The following AQP11 variants were observed in gnomAD, a reference collection of about 807,000 sequenced individuals.
AQP11 encodes aquaporin 11.
In AQP11, 20 loss-of-function variants were observed where a neutral mutation model predicts 21.1. The ratio of observed to expected loss-of-function variants is 0.95; its 90% CI spans 0.67 to 1.38. The LOEUF (loss-of-function observed/expected upper bound fraction) is 1.38, where lower values mean the gene tolerates loss of function less well. AQP11 is among the 40% of genes most tolerant of loss of function. AQP11 has a pLI of 0.00. For missense variants in AQP11, 339 were observed against 340.4 expected (o/e 1.00, Z 0.03); for synonymous variants, 167 against 150.1 (o/e 1.11, Z -0.82).
intron 2 of AQP11, 50 bp from the exon 3 acceptor site, chr11:77,609,248 T>C (rs373479048): frequency 6.9e-7 from 1 of 1,444,158 alleles, no homozygotes; most frequent in East Asian, 2.3e-5. Flanking sequence ...CTAGTGATTA[T>C]GAACCTCCTT....
chr11:77,590,330 C>G lies in AQP11; in HGVS notation c.338C>G (p.Ser113Cys), dbSNP rs1433405732. 2 of 1,610,242 alleles carry G rather than the reference C, an allele frequency of 1.2e-6. No individual in the cohort carries two copies. The highest frequency in any genetic ancestry group is 3.3e-4 in the Middle Eastern group (2 of 6,044). The change falls in exon 1 of 3, where the codon TCC (serine) becomes TGC (cysteine). Residue 113 changes from serine to cysteine, a missense_variant. By Grantham distance (112) the Ser-to-Cys change is moderately radical. Transcript: ENST00000313578. ...VMMQMMLGGM[S>C]PETGAVRLLA... ...ATGCAGATGATGCTGGGGGGCATGT[C>G]CCCCGAGACGGGTGCGGTGAGGCTA...
At chr11:77,602,572 A>T (rs1197955953) in intron 1 of AQP11, among the ~76,000 whole-genome samples, 4 of 152,140 alleles carry the variant, frequency 2.6e-5, no homozygotes, top group Non-Finnish European at 4.4e-5. Flanking sequence ...CACTAGAAAA[A>T]ACTCTTAGCT....
At chr11:77,597,288 C>T (rs571887070) in intron 1 of AQP11, among the ~76,000 whole-genome samples, 520 of 152,236 alleles carry the variant, frequency 3.4e-3, no homozygotes, top group African/African-American at 0.012. Context: ...AATTTGAAAA[C>T]AGGCCAGGCG....
At chr11:77,605,787 G>A (rs1295171722) in intron 2 of AQP11, among the ~76,000 whole-genome samples, 1 of 151,968 alleles carries the variant, frequency 6.6e-6, no homozygotes, top group African/African-American at 2.4e-5. Flanking sequence ...GGCTGGGTGC[G>A]GTGGCTCATG....
At chr11:77,607,893 C>A (rs905382843) in intron 2 of AQP11, among the ~76,000 whole-genome samples, 1 of 151,002 alleles carries the variant, frequency 6.6e-6, no homozygotes, top group Non-Finnish European at 1.5e-5. Context: ...GTCTTATTTT[C>A]TAGTTCTGAC....
At chr11:77,595,370 C>A (rs1958772266) in intron 1 of AQP11, among the ~76,000 whole-genome samples, 1 of 151,998 alleles carries the variant, frequency 6.6e-6, no homozygotes, top group African/African-American at 2.4e-5. Flanking sequence ...AGAAAAACAT[C>A]TGTTATTTTA....
At chr11:77,593,451 C>G (rs182186381) in intron 1 of AQP11, among the ~76,000 whole-genome samples, 2 of 152,080 alleles carry the variant, frequency 1.3e-5, no homozygotes. Context: ...CTGGCTAACA[C>G]GGTGAAACCC....
intron 1 of AQP11, chr11:77,590,955 A>G (rs995139404): frequency 1.3e-5 from 13 of 985,324 alleles, no homozygotes; most frequent in Non-Finnish European, 1.6e-5. Flanking sequence ...CCAAGGTGGT[A>G]TAGATCGTTT....
chr11:77,598,601 T>TCCTCCATG (rs1334986126), intron 1 of AQP11, among the ~76,000 whole-genome samples: 1 of 152,226 alleles, frequency 6.6e-6, no homozygotes, highest in Non-Finnish European at 1.5e-5. Context: ...TTGACTGCCA[T>TCCTCCATG]CCTCCATGCC....
chr11:77,606,911 G>T (rs73500762), intron 2 of AQP11, among the ~76,000 whole-genome samples: 1 of 152,044 alleles, frequency 6.6e-6, no homozygotes, highest in African/African-American at 2.4e-5. Flanking sequence ...AAACATTTTC[G>T]AATTCATATG....
rs372983867 is a variant in AQP11, at chr11:77,603,635, T to G, written c.699T>G (p.Pro233=). 8.1e-6 allele frequency: 13 copies of G among 1,609,068 alleles called. No homozygotes were observed. In the East Asian group the frequency reaches 2.7e-4, roughly 33 times the overall value. The part of the protein sequence containing the change: ...LHFMCFDEAF[P]QFFIVYWLAP... ...TCATGTGTTTTGATGAAGCATTCCC[T>G]CAGTTTTTTATAGTATACTGGCTGG... Residue 233 remains proline (P), a synonymous_variant, in exon 2 of 3, where the codon CCT becomes CCG. Coordinates refer to ENST00000313578, the MANE Select transcript of AQP11 (RefSeq NM_173039.3).
chr11:77,596,861 A>G (rs550841658), intron 1 of AQP11, among the ~76,000 whole-genome samples: 65 of 143,192 alleles, frequency 4.5e-4, no homozygotes, highest in African/African-American at 1.4e-3. Context: ...TCTTGTTTCA[A>G]TTTAAAAAAA....
intron 2 of AQP11, among the ~76,000 whole-genome samples, chr11:77,606,538 A>T (rs948149849): frequency 1.3e-5 from 2 of 152,162 alleles, no homozygotes; most frequent in African/African-American, 4.8e-5. Flanking sequence ...AAAAAGCCGA[A>T]ATCTCTTACA....
chr11:77,597,742 G>A (rs1339664557), intron 1 of AQP11, among the ~76,000 whole-genome samples: 1 of 151,984 alleles, frequency 6.6e-6, no homozygotes, highest in Non-Finnish European at 1.5e-5. Context: ...TGTCATTAGA[G>A]AGGTATTTTC....
chr11:77,602,939 G>A (rs902392671), intron 1 of AQP11, among the ~76,000 whole-genome samples: 12 of 152,158 alleles, frequency 7.9e-5, no homozygotes, highest in Non-Finnish European at 1.6e-4. Context: ...CACTTGTGTG[G>A]CCAGACTATA....
intron 1 of AQP11, among the ~76,000 whole-genome samples, chr11:77,592,567 C>A (rs1184874061): frequency 1.3e-5 from 2 of 151,994 alleles, no homozygotes; most frequent in African/African-American, 4.8e-5. Context: ...AGTTGATATT[C>A]TTTCTGTCTA....
intron 2 of AQP11, among the ~76,000 whole-genome samples, chr11:77,603,913 G>A (rs549644526): frequency 3.3e-5 from 5 of 151,448 alleles, no homozygotes; most frequent in East Asian, 2.0e-4. Context: ...AAAAAGCAAC[G>A]AGTGCTTACT....
At chr11:77,600,915 G>C (rs549536677) in intron 1 of AQP11, among the ~76,000 whole-genome samples, 1 of 152,038 alleles carries the variant, frequency 6.6e-6, no homozygotes, top group Non-Finnish European at 1.5e-5. Flanking sequence ...GGGAGGCTGA[G>C]GCAGGAGAAT....
chr11:77,603,502 C>G, intron 1 of AQP11, 54 bp from the exon 2 acceptor site: 1 of 1,239,652 alleles, frequency 8.1e-7, no homozygotes, highest in African/African-American at 1.5e-5. Context: ...TTTCCAGTTA[C>G]AAGGAAATGG....
Sources: allele counts gnomAD v4.1 joint callset (sites outside exome capture counted in the v4.1 genomes callset), GRCh38; gene constraint gnomAD v4.1.1; transcripts MANE v1.5; gene names NCBI Gene and HGNC (gene_info 2026-07-23, HGNC 2026-07-21).